The following MYCT1 variants were observed in gnomAD, a reference collection of about 807,000 sequenced individuals.
MYCT1 encodes the protein MYC target 1, also known as myc target protein 1.
Under a neutral mutation model 15.0 loss-of-function variants are expected in MYCT1, and 12 were observed. The observed-to-expected ratio is 0.80, with a 90% CI of 0.51 to 1.29. The LOEUF (loss-of-function observed/expected upper bound fraction) is 1.29, where lower values mean the gene tolerates loss of function less well. MYCT1 is among the 50% of genes most tolerant of loss of function. MYCT1 has a pLI of 0.00. For synonymous variants in MYCT1, 104 were observed against 102.7 expected (o/e 1.01, Z -0.07); for missense variants, 287 against 279.1 (o/e 1.03, Z -0.20).
At chr6:152,698,201 A>G (rs1455308328) in intron 1 of MYCT1, 103 bp downstream of exon 1, 5 of 580,164 alleles carry the variant, frequency 8.6e-6, no homozygotes, top group Non-Finnish European at 1.4e-5. Flanking sequence ...TTTGTTTACT[A>G]TAATGTGATT....
At position 152,722,426 on chromosome 6, in the gene MYCT1, C is replaced by T. The variant is rs1006396976; in HGVS notation, c.*173C>T. 7 of 606,386 alleles carry T rather than the reference C, an allele frequency of 1.2e-5. No individual in the cohort carries two copies. The highest frequency in any genetic ancestry group is 1.3e-5 in the Non-Finnish European group (5 of 370,706). The allele number at this position is 606,386 out of a possible 1,614,324, so 37.6% of individuals were successfully genotyped here. A position where few individuals can be genotyped will look rare whatever the true frequency, so the allele number is the denominator to read the frequency against. ...ATGTAAAACACATTTTCTTCAAACA[C>T]GTTTTCCCTTTTGTTTCAAAAAATG... is the stretch of plus-strand genomic sequence containing the variant. On this transcript the variant is annotated 3_prime_UTR_variant, in exon 2 of 2. Coordinates refer to ENST00000367245, the MANE Select transcript of MYCT1 (RefSeq NM_025107.3).
chr6:152,716,757 A>G (rs2099723757), intron 1 of MYCT1, among the ~76,000 whole-genome samples: 1 of 152,166 alleles, frequency 6.6e-6, no homozygotes, highest in Non-Finnish European at 1.5e-5. Context: ...ACAAATTAGG[A>G]TGACATATAT....
intron 1 of MYCT1, among the ~76,000 whole-genome samples, chr6:152,701,688 T>A (rs1480221939): frequency 6.6e-6 from 1 of 152,174 alleles, no homozygotes; most frequent in African/African-American, 2.4e-5. Context: ...CTCATCAGCT[T>A]TTGAGACATT....
At chr6:152,732,856 A>T in the MYCT1 span, among the ~76,000 whole-genome samples, 3 of 152,180 alleles carry the variant, frequency 2.0e-5, no homozygotes, top group East Asian at 5.8e-4. Context: ...CCCTGTCAGA[A>T]CATGGAAGAT....
At chr6:152,737,850 T>G in the MYCT1 span, among the ~76,000 whole-genome samples, 3 of 152,100 alleles carry the variant, frequency 2.0e-5, no homozygotes. Context: ...TGTTGAAGTG[T>G]AGGAAGTATT....
At chr6:152,729,450 C>T (rs2099726186), downstream of MYCT1, among the ~76,000 whole-genome samples, 1 of 152,008 alleles carries the variant, frequency 6.6e-6, no homozygotes, top group Admixed American at 6.6e-5. Context: ...AGTCTGTATA[C>T]ATAAGTATGA....
chr6:152,731,646 T>C, the MYCT1 span, among the ~76,000 whole-genome samples: 10 of 152,288 alleles, frequency 6.6e-5, no homozygotes, highest in Non-Finnish European at 1.5e-4. Context: ...TTGCGATAGT[T>C]TGCTCAGAAT....
At chr6:152,740,339 C>T in the MYCT1 span, among the ~76,000 whole-genome samples, 3 of 152,174 alleles carry the variant, frequency 2.0e-5, no homozygotes, top group Admixed American at 1.3e-4. Flanking sequence ...CGTGAGCCAC[C>T]GTACCAGGCC....
In MYCT1 at chr6:152,721,923, C is replaced by T. The variant is rs529302802; in HGVS notation, c.378C>T (p.Tyr126=). The T allele has an allele frequency of 1.2e-6, 2 of 1,614,138 alleles. No individual in the cohort carries two copies. The highest frequency in any genetic ancestry group is 2.2e-5 in the South Asian group (2 of 91,078). ...ACGGCCTCAACAGAACTGGATTTTA[C>T]CGCCACAGTGGCTGTGAACGTCGAA... ...YTHGLNRTGF[Y]RHSGCERRSN... The change falls in exon 2 of 2, where the codon TAC becomes TAT. Residue 126 remains tyrosine (Y), a synonymous_variant. Coordinates refer to ENST00000367245, the MANE Select transcript of MYCT1 (RefSeq NM_025107.3).
the MYCT1 span, among the ~76,000 whole-genome samples, chr6:152,731,265 AAT>A: frequency 6.6e-6 from 1 of 151,200 alleles, no homozygotes; most frequent in Non-Finnish European, 1.5e-5. Context: ...TAGGACAAAG[AAT>A]ATTACTTTAA....
intron 1 of MYCT1, among the ~76,000 whole-genome samples, chr6:152,719,852 T>C (rs141727353): frequency 3.3e-5 from 5 of 152,296 alleles, no homozygotes; most frequent in African/African-American, 9.6e-5. Flanking sequence ...TTTATATATA[T>C]GTATAATGAA....
chr6:152,732,665 G>T, the MYCT1 span, among the ~76,000 whole-genome samples: 1 of 152,044 alleles, frequency 6.6e-6, no homozygotes, highest in Non-Finnish European at 1.5e-5. Flanking sequence ...AAACAATTAG[G>T]ATTTATTATA....
chr6:152,731,137 C>A, the MYCT1 span, among the ~76,000 whole-genome samples: 1 of 151,730 alleles, frequency 6.6e-6, no homozygotes, highest in Non-Finnish European at 1.5e-5. Context: ...ACCTTCAAGT[C>A]AATAAATCTT....
At chr6:152,726,754 C>A (rs1380607149), downstream of MYCT1, among the ~76,000 whole-genome samples, 5 of 152,102 alleles carry the variant, frequency 3.3e-5, no homozygotes, top group East Asian at 3.9e-4. Flanking sequence ...TGTGATTGAA[C>A]CCCAGTTTCA....
Position 152,699,711 on chromosome 6 carries a change from T to C in MYCT1, c.196+1613T>C, listed in dbSNP as rs139165088. ...TAATATGTAGAAGTCAATCTATTTTTTTCAAACCATTCAAAATTAAATTTC... is the reference window on the plus strand; with the variant it reads ...TAATATGTAGAAGTCAATCTATTTTCTTCAAACCATTCAAAATTAAATTTC... On this transcript the variant is annotated intron_variant, in intron 1 of 1. Coordinates refer to ENST00000367245, the MANE Select transcript of MYCT1 (RefSeq NM_025107.3). Among the ~76,000 whole-genome samples the C allele has an allele frequency of 3.2e-3, 483 of 152,244 alleles. 2 individuals are homozygous for C. The highest frequency in any genetic ancestry group is 0.011 in the African/African-American group (459 of 41,566).
the MYCT1 span, among the ~76,000 whole-genome samples, chr6:152,732,166 TTTAAC>T: frequency 6.6e-6 from 1 of 152,318 alleles, no homozygotes; most frequent in African/African-American, 2.4e-5. Context: ...TTGTTTGTCT[TTTAAC>T]TTAGATGAAG....
At chr6:152,731,520 C>T in the MYCT1 span, among the ~76,000 whole-genome samples, 1 of 152,132 alleles carries the variant, frequency 6.6e-6, no homozygotes. Context: ...TCCCTTCCCC[C>T]TCCCGCTATC....
the MYCT1 span, among the ~76,000 whole-genome samples, chr6:152,731,906 A>T: frequency 1.3e-5 from 2 of 151,912 alleles, no homozygotes; most frequent in East Asian, 3.9e-4. Flanking sequence ...ATGCCACCAC[A>T]CCTGGCCAAT....
chr6:152,746,739 C>T, the MYCT1 span, among the ~76,000 whole-genome samples: 1 of 152,146 alleles, frequency 6.6e-6, no homozygotes, highest in African/African-American at 2.4e-5. Context: ...TTCAGGAAAT[C>T]GTCTGATACA....
Sources: gnomAD v4.1 joint callset for allele counts (sites outside exome capture counted in the v4.1 genomes callset) on GRCh38, gnomAD v4.1.1 for gene constraint, MANE v1.5 for transcripts, NCBI Gene and HGNC (gene_info 2026-07-23, HGNC 2026-07-21) for gene names.